Variants in SAMMSON observed in about 807,000 individuals in gnomAD.
The protein encoded by SAMMSON is survival associated mitochondrial melanoma specific oncogenic non-coding RNA.
intron 4 of SAMMSON, among the ~76,000 whole-genome samples, chr3:70,237,977 A>AT (rs1251005797): frequency 7.7e-5 from 1 of 13,008 alleles, no homozygotes; most frequent in African/African-American, 4.9e-4. Flanking sequence ...ATTGAGTGGT[A>AT]TCTTTTTTTT....
At chr3:70,073,975 A>C (rs1055128880) in intron 4 of SAMMSON, among the ~76,000 whole-genome samples, 8 of 152,052 alleles carry the variant, frequency 5.3e-5, no homozygotes, top group African/African-American at 1.9e-4. Context: ...CCTTTCTAGC[A>C]GGTAGTGATC....
At chr3:70,063,377 G>A (rs188627440) in intron 3 of SAMMSON, among the ~76,000 whole-genome samples, 2 of 152,070 alleles carry the variant, frequency 1.3e-5, no homozygotes, top group Admixed American at 1.3e-4. Context: ...CTTCTGAACC[G>A]CTTAGCTCTC....
chr3:70,400,106 CTG>C (rs1701127707), intron 2 of SAMMSON, among the ~76,000 whole-genome samples: 1 of 151,904 alleles, frequency 6.6e-6, no homozygotes, highest in Non-Finnish European at 1.5e-5. Context: ...ACATGAAACT[CTG>C]GATTTTGTGA....
intron 7 of SAMMSON, among the ~76,000 whole-genome samples, chr3:70,349,295 A>T (rs1702774486): frequency 2.0e-5 from 3 of 152,070 alleles, no homozygotes; most frequent in Admixed American, 2.0e-4. Flanking sequence ...AATTGCTTGA[A>T]CGCAGGAGGC....
At chr3:70,160,422 A>G (rs915623830) in intron 4 of SAMMSON, among the ~76,000 whole-genome samples, 1 of 138,934 alleles carries the variant, frequency 7.2e-6, no homozygotes, top group Non-Finnish European at 1.5e-5. Flanking sequence ...TTATTGTACC[A>G]GTACAATTTG....
chr3:70,272,194 G>T (rs1701982047), intron 6 of SAMMSON: 1 of 152,160 alleles, frequency 6.6e-6, no homozygotes, highest in Non-Finnish European at 1.5e-5. Context: ...CAAATGCATA[G>T]TGGGGGTTTG....
At chr3:70,012,059 G>T (rs999935508) in intron 1 of SAMMSON, among the ~76,000 whole-genome samples, 20 of 152,068 alleles carry the variant, frequency 1.3e-4, no homozygotes, top group Non-Finnish European at 2.6e-4. Flanking sequence ...CTCCCTCCTG[G>T]ACTGAGCAGG....
At chr3:70,400,599 T>C (rs901463243) in intron 2 of SAMMSON, among the ~76,000 whole-genome samples, 2 of 152,204 alleles carry the variant, frequency 1.3e-5, no homozygotes, top group African/African-American at 4.8e-5. Flanking sequence ...TATTTTGTTA[T>C]AGCAATACTA....
At chr3:70,205,039 C>G (rs952172182) in intron 4 of SAMMSON, 2 of 152,094 alleles carry the variant, frequency 1.3e-5, no homozygotes, top group African/African-American at 4.8e-5. Context: ...GAGCATCATC[C>G]TGAATTCAGA....
intron 4 of SAMMSON, among the ~76,000 whole-genome samples, chr3:70,186,768 T>C (rs1701095226): frequency 6.6e-6 from 1 of 152,204 alleles, no homozygotes; most frequent in African/African-American, 2.4e-5. Context: ...TCATAAAGTG[T>C]CATTATGAAA....
chr3:70,321,552 A>G (rs1028775073), intron 7 of SAMMSON, among the ~76,000 whole-genome samples: 7 of 152,114 alleles, frequency 4.6e-5, no homozygotes, highest in African/African-American at 1.2e-4. Flanking sequence ...ACATTTGTGT[A>G]TAAGTTTGTA....
chr3:70,301,768 A>G (rs1702350974), intron 7 of SAMMSON, among the ~76,000 whole-genome samples: 4 of 152,056 alleles, frequency 2.6e-5, no homozygotes, highest in Admixed American at 2.6e-4. Flanking sequence ...TTCATATTTT[A>G]TGGAATTTAT....
intron 4 of SAMMSON, among the ~76,000 whole-genome samples, chr3:70,107,600 A>C (rs915939490): frequency 1.2e-4 from 14 of 114,168 alleles, no homozygotes; most frequent in Non-Finnish European, 2.2e-4. Context: ...TTTCTTCCTT[A>C]GTTTTTTTTT....
At chr3:70,161,516 A>G (rs1302638535) in intron 4 of SAMMSON, among the ~76,000 whole-genome samples, 2 of 151,952 alleles carry the variant, frequency 1.3e-5, no homozygotes, top group East Asian at 1.9e-4. Flanking sequence ...TTCCTAGCAT[A>G]AATTCCACTT....
At chr3:70,289,470 T>C (rs1236851437) in intron 6 of SAMMSON, among the ~76,000 whole-genome samples, 2 of 149,826 alleles carry the variant, frequency 1.3e-5, no homozygotes, top group African/African-American at 4.9e-5. Context: ...TAACCCAACC[T>C]TTCTCTCTGG....
At chr3:70,386,853 G>A (rs1559578364) in intron 9 of SAMMSON, among the ~76,000 whole-genome samples, 1 of 152,006 alleles carries the variant, frequency 6.6e-6, no homozygotes, top group Non-Finnish European at 1.5e-5. Flanking sequence ...TGACACACAA[G>A]AAAATCCAGG....
intron 4 of SAMMSON, among the ~76,000 whole-genome samples, chr3:70,130,907 C>G (rs2067479971): frequency 6.6e-6 from 1 of 152,068 alleles, no homozygotes; most frequent in South Asian, 2.1e-4. Flanking sequence ...AAGTTCCTGA[C>G]CTGCAGAATC....
At chr3:70,104,605 G>A (rs1463242681) in intron 4 of SAMMSON, among the ~76,000 whole-genome samples, 2 of 152,128 alleles carry the variant, frequency 1.3e-5, no homozygotes, top group African/African-American at 4.8e-5. Flanking sequence ...CCCAAACCGT[G>A]TCGGACCTTT....
At chr3:70,098,883 T>G (rs1356211350) in intron 4 of SAMMSON, among the ~76,000 whole-genome samples, 4 of 152,190 alleles carry the variant, frequency 2.6e-5, no homozygotes, top group African/African-American at 9.6e-5. Context: ...TCTTTACATT[T>G]TACTATATCT....
Sources: allele counts gnomAD v4.1 joint callset (sites outside exome capture counted in the v4.1 genomes callset), GRCh38; gene constraint gnomAD v4.1.1; transcripts MANE v1.5; gene names NCBI Gene and HGNC (gene_info 2026-07-23, HGNC 2026-07-21).